GALNTL6: variants seen among roughly 807,000 people sequenced by gnomAD.
GALNTL6 encodes polypeptide N-acetylgalactosaminyltransferase like 6, also known as polypeptide N-acetylgalactosaminyltransferase-like 6.
A neutral mutation model predicts 73.7 loss-of-function variants in GALNTL6; 46 were observed. The ratio of observed to expected loss-of-function variants is 0.62; its 90% CI spans 0.49 to 0.80. The LOEUF (loss-of-function observed/expected upper bound fraction) is 0.80, where lower values mean the gene tolerates loss of function less well. Among genes scored for constraint, GALNTL6 ranks in the 30% least tolerant of loss-of-function variants. GALNTL6 has a pLI of 0.00. For synonymous variants in GALNTL6, 259 were observed against 263.7 expected, an observed-to-expected ratio of 0.98 and a Z score of 0.17; for missense variants, 604 against 755.0, an observed-to-expected ratio of 0.80 and a Z score of 2.34.
intron 2 of GALNTL6, among the ~76,000 whole-genome samples, chr4:171,919,088 C>T (rs969817445): frequency 4.6e-5 from 7 of 152,014 alleles, no homozygotes; most frequent in Non-Finnish European, 2.9e-5. Context: ...TATCTATCGT[C>T]AACAATAATA....
At chr4:172,945,214 A>G (rs980031883) in intron 9 of GALNTL6, among the ~76,000 whole-genome samples, 1 of 152,206 alleles carries the variant, frequency 6.6e-6, no homozygotes, top group Non-Finnish European at 1.5e-5. Context: ...TCTAAAAAAT[A>G]CAAATTAAAC....
At chr4:172,840,975 C>T (rs1181048181) in intron 7 of GALNTL6, among the ~76,000 whole-genome samples, 1 of 152,168 alleles carries the variant, frequency 6.6e-6, no homozygotes, top group South Asian at 2.1e-4. Context: ...GGCCAGCAGT[C>T]CTTCAGGTGT....
At chr4:172,551,333 C>G (rs1031368197) in intron 5 of GALNTL6, among the ~76,000 whole-genome samples, 7 of 151,882 alleles carry the variant, frequency 4.6e-5, no homozygotes, top group Non-Finnish European at 7.4e-5. Flanking sequence ...CCAATTACAC[C>G]CCATTGATTA....
intron 5 of GALNTL6, among the ~76,000 whole-genome samples, chr4:172,782,431 A>T (rs1184774904): frequency 1.3e-5 from 2 of 152,128 alleles, no homozygotes; most frequent in African/African-American, 2.4e-5. Flanking sequence ...TGAACTTATG[A>T]TGTTATCAGG....
chr4:172,608,751 C>T (rs902444027), intron 5 of GALNTL6, among the ~76,000 whole-genome samples: 1 of 151,736 alleles, frequency 6.6e-6, no homozygotes, highest in Admixed American at 6.6e-5. Flanking sequence ...TTTAATAATA[C>T]TGATTTAGCA....
chr4:172,878,464 G>A (rs1316431578), intron 7 of GALNTL6, among the ~76,000 whole-genome samples: 2 of 151,748 alleles, frequency 1.3e-5, no homozygotes, highest in African/African-American at 4.8e-5. Flanking sequence ...AAAGTAAAAT[G>A]TATGATAACA....
chr4:172,806,292 G>A (rs1380080654), intron 5 of GALNTL6, among the ~76,000 whole-genome samples: 1 of 152,130 alleles, frequency 6.6e-6, no homozygotes, highest in Non-Finnish European at 1.5e-5. Flanking sequence ...CACTATTGAA[G>A]GGTCAAACCC....
intron 5 of GALNTL6, among the ~76,000 whole-genome samples, chr4:172,633,496 G>A (rs562945624): frequency 6.6e-6 from 1 of 152,320 alleles, no homozygotes; most frequent in Admixed American, 6.5e-5. Context: ...CCCAATGCCT[G>A]TACCCCCATT....
intron 2 of GALNTL6, among the ~76,000 whole-genome samples, chr4:172,087,949 A>G (rs1056896881): frequency 6.6e-6 from 1 of 152,154 alleles, no homozygotes; most frequent in Non-Finnish European, 1.5e-5. Context: ...ATACTTTCTT[A>G]TAAAGCTTCC....
At chr4:171,842,346 CA>C (rs1178024242) in intron 2 of GALNTL6, among the ~76,000 whole-genome samples, 58 of 152,000 alleles carry the variant, frequency 3.8e-4, no homozygotes, top group Non-Finnish European at 4.9e-4. Context: ...CCCAAAGATG[CA>C]ATTATACACT....
chr4:172,432,639 A>G (rs575499503), intron 5 of GALNTL6, among the ~76,000 whole-genome samples: 1 of 152,242 alleles, frequency 6.6e-6, no homozygotes, highest in East Asian at 1.9e-4. Flanking sequence ...GTATAACTGA[A>G]TAAATATTCT....
intron 5 of GALNTL6, among the ~76,000 whole-genome samples, chr4:172,396,691 A>C (rs1047595179): frequency 3.9e-5 from 6 of 152,166 alleles, no homozygotes; most frequent in Non-Finnish European, 5.9e-5. Flanking sequence ...AGGATATGTG[A>C]GGTTTATTGA....
rs71592081 is a variant in GALNTL6 at position 172,559,058 on chromosome 4, A to ATTTTTTTTTT, written c.553+210386_553+210395dup. On this transcript the variant is annotated intron_variant, in intron 5 of 12. Transcript: ENST00000506823. ...GTAAGGATGATGATAATGATAATGG[A>ATTTTTTTTTT]TTTTTTTTTTTTTTTTTTTTTTTTT... is the stretch of plus-strand genomic sequence containing the variant. 5.2e-5 allele frequency among the ~76,000 whole-genome samples: 4 copies of ATTTTTTTTTT among 77,386 alleles called. 1 individual carries two copies. Among genetic ancestry groups the ATTTTTTTTTT allele is most frequent in the Admixed American group, 2.2e-4 (1 of 4,454 alleles). The allele number at this position is 77,386 out of a possible 152,430, so 50.8% of individuals were successfully genotyped here. A position where few individuals can be genotyped will look rare whatever the true frequency, so the allele number is the denominator to read the frequency against.
At chr4:172,587,917 A>G (rs1034693374) in intron 5 of GALNTL6, among the ~76,000 whole-genome samples, 1 of 152,154 alleles carries the variant, frequency 6.6e-6, no homozygotes, top group Non-Finnish European at 1.5e-5. Flanking sequence ...TGAAAATTAT[A>G]ATTATCCAAT....
rs528999715 is a variant in GALNTL6, at chr4:173,029,144, CAAGTTT to C, written c.1638+7522_1638+7527del. 3.9e-5 allele frequency among the ~76,000 whole-genome samples: 6 copies of C among 152,262 alleles called. No individual in the cohort carries two copies. In the East Asian group the frequency reaches 7.7e-4, roughly 20 times the overall value. ...CAAAAAATAAGGAAAGTGTATATAA[CAAGTTT>C]AACTTAAAAGTCATGTAATTCAACT... On this transcript the variant is annotated intron_variant, in intron 12 of 12. Coordinates refer to ENST00000506823, the MANE Select transcript of GALNTL6 (RefSeq NM_001034845.3).
chr4:173,032,849 CAGG>C (rs1217597705), intron 12 of GALNTL6, among the ~76,000 whole-genome samples: 2 of 151,904 alleles, frequency 1.3e-5, no homozygotes, highest in East Asian at 3.9e-4. Context: ...CGGCTGCTCT[CAGG>C]AGAATTGAGG....
intron 7 of GALNTL6, among the ~76,000 whole-genome samples, chr4:172,845,231 A>G (rs892110943): frequency 7.4e-5 from 11 of 148,050 alleles, no homozygotes; most frequent in African/African-American, 2.9e-4. Flanking sequence ...AAAAAAAAAA[A>G]AAAGAAAAAG....
At position 172,131,406 on chromosome 4, in the gene GALNTL6, A is replaced by AATAT. The variant is rs772791571; in HGVS notation, c.139-98230_139-98227dup. ...CTTCCATGTTTCACCATGCCTTTAA[A>AATAT]ATATATATATATATATATATATACA... On this transcript the variant is annotated intron_variant, in intron 2 of 12. Transcript: ENST00000506823. 2.7e-3 allele frequency among the ~76,000 whole-genome samples: 378 copies of AATAT among 137,568 alleles called. 2 individuals carry two copies. The highest frequency in any genetic ancestry group is 0.019 in the South Asian group (85 of 4,516). The allele number at this position is 137,568 out of a possible 152,430, so 90.2% of individuals were successfully genotyped here.
chr4:172,015,713 C>T (rs897270920), intron 2 of GALNTL6, among the ~76,000 whole-genome samples: 1 of 151,960 alleles, frequency 6.6e-6, no homozygotes, highest in African/African-American at 2.4e-5. Context: ...CTCATTTTAG[C>T]ATTTTTTTAG....
Sources: allele counts gnomAD v4.1 joint callset (sites outside exome capture counted in the v4.1 genomes callset), GRCh38; gene constraint gnomAD v4.1.1; transcripts MANE v1.5; gene names NCBI Gene and HGNC (gene_info 2026-07-23, HGNC 2026-07-21).